The following RSRP1 variants were observed in gnomAD, a reference collection of about 807,000 sequenced individuals.
RSRP1 encodes arginine and serine rich protein 1, also known as arginine/serine-rich protein 1.
A neutral mutation model predicts 33.0 loss-of-function variants in RSRP1; 37 were observed. The observed-to-expected ratio is 1.12, with a 90% CI of 0.86 to 1.48. The LOEUF (loss-of-function observed/expected upper bound fraction) is 1.48. Ranked by LOEUF, RSRP1 falls within the 40% of genes most tolerant of loss-of-function variation. The pLI is 0.00. For synonymous variants in RSRP1, 167 were observed against 158.7 expected (o/e 1.05, Z -0.40); for missense variants, 402 against 385.3 (o/e 1.04, Z -0.36).
intron 1 of RSRP1, among the ~76,000 whole-genome samples, chr1:25,274,689 A>G (rs1640787282): frequency 7.5e-6 from 1 of 133,444 alleles, no homozygotes; most frequent in South Asian, 2.3e-4. Flanking sequence ...TGGGCTTAAC[A>G]TTGCATTGCC....
intron 1 of RSRP1, among the ~76,000 whole-genome samples, chr1:25,277,313 C>G (rs1641096546): frequency 7.7e-6 from 1 of 129,304 alleles, no homozygotes; most frequent in East Asian, 2.0e-4. Flanking sequence ...GATAGAATAG[C>G]CTAGATCCAT....
At chr1:25,268,771 A>C (rs1284435420) in intron 1 of RSRP1, among the ~76,000 whole-genome samples, 1 of 128,682 alleles carries the variant, frequency 7.8e-6, no homozygotes, top group African/African-American at 2.7e-5. Flanking sequence ...AACCTGGTGA[A>C]ATCCTGTCTC....
chr1:25,248,920 G>C (rs889841000), upstream of RSRP1, among the ~76,000 whole-genome samples: 8 of 152,138 alleles, frequency 5.3e-5, no homozygotes, highest in Non-Finnish European at 1.2e-4. Flanking sequence ...AGGCCGAAGC[G>C]GGAAGATCAC....
rs71652374 is a variant in RSRP1 at position 25,321,889 on chromosome 1, G to C, written c.-67+16089C>G. 3,026 of 1,262,328 alleles carry C rather than the reference G, an allele frequency of 2.4e-3. 691 individuals carry two copies. Among genetic ancestry groups the C allele is most frequent in the Non-Finnish European group, 3.3e-3 (2,843 of 874,310 alleles). 78.2% of individuals were successfully genotyped at this position (1,262,328 alleles called of 1,614,324 possible). ...AACATTAAATTATGCATTTAAACAG[G>C]TTTGCTCCTAAATCTTAAAATATGG... On this transcript the variant is annotated intron_variant, in intron 1 of 1. Coordinates refer to the RSRP1 transcript ENST00000561867.
chr1:25,290,849 G>C, intron 1 of RSRP1: 1 of 1,351,852 alleles, frequency 7.4e-7, no homozygotes. Context: ...GCTCCATTTG[G>C]TGGGGTTTCC....
intron 3 of RSRP1, 111 bp from the exon 4 acceptor site, chr1:25,243,744 C>T (rs920308410): frequency 1.4e-5 from 20 of 1,475,320 alleles, no homozygotes; most frequent in African/African-American, 2.8e-5. Context: ...ACACAAAAAT[C>T]AACTTGGATC....
chr1:25,246,732 A>G lies in RSRP1; in HGVS notation c.232T>C (p.Ser78Pro). ...GACCGGCTCCGCGAGTATGACCGCG[A>G]GTAGCGCCTGTACTTCCGCTGGTGG... is the stretch of plus-strand genomic sequence containing the variant. ...RRHQRKYRRY[S>P]RSYSRSRSRS... Residue 78 changes from serine (S) to proline (P), a missense_variant, in exon 2 of 5, where the codon TCG becomes CCG. Transcript: ENST00000243189. 6.2e-7 allele frequency: 1 copy of G among 1,608,070 alleles called. No homozygotes were observed. Among genetic ancestry groups the G allele is most frequent in the Non-Finnish European group, 8.5e-7 (1 of 1,175,674 alleles).
chr1:25,244,763 C>A lies in RSRP1; in HGVS notation c.672+387G>T, dbSNP rs115412344. 1,240 of 1,056,196 alleles carry A rather than the reference C, an allele frequency of 1.2e-3. 12 individuals are homozygous for A. In the African/African-American group the frequency reaches 0.018, roughly 16 times the overall value. 65.4% of individuals were successfully genotyped at this position (1,056,196 alleles called of 1,614,324 possible). On this transcript the variant is annotated intron_variant, in intron 3 of 4. Transcript: ENST00000243189. ...GCAATGGTGCCATCTTGGCTCACTG[C>A]AACCTTAGCATCCTAGGCTCAAAGA...
At position 25,246,563 on chromosome 1, in the gene RSRP1, G is replaced by C; in HGVS notation, c.401C>G (p.Ala134Gly). The C allele has an allele frequency of 4.3e-6, 7 of 1,614,206 alleles. No homozygotes were observed. The highest frequency in any genetic ancestry group is 5.9e-6 in the Non-Finnish European group (7 of 1,180,040). ...RSYCGRAYAI[A>G]RGQRYYGFGR... is the part of the protein sequence containing the mutation. ...AAAGCCGTAGTAGCGCTGTCCCCGC[G>C]CGATCGCGTACGCCCTTCCGCAGTA... Residue 134 changes from alanine to glycine, a missense_variant, in exon 2 of 5, where the codon GCG becomes GGG. Coordinates refer to ENST00000243189, the MANE Select transcript of RSRP1 (RefSeq NM_020317.5).
chr1:25,307,262 G>T lies in RSRP1; in HGVS notation c.-67+30716C>A, dbSNP rs577017442. ...CAGAGAGGGGTGGGCCTTGGCTGAG[G>T]TCTCACTGCGAGGTGGGAATGTGGG... is the stretch of plus-strand genomic sequence containing the variant. On this transcript the variant is annotated intron_variant, in intron 1 of 1. Coordinates refer to the RSRP1 transcript ENST00000561867. Among the ~76,000 whole-genome samples, 51 of 132,150 alleles carry T rather than the reference G, an allele frequency of 3.9e-4. 8 individuals are homozygous for T. Among genetic ancestry groups the T allele is most frequent in the African/African-American group, 1.3e-3 (51 of 38,444 alleles). The allele number at this position is 132,150 out of a possible 152,430, so 86.7% of individuals were successfully genotyped here. A position where few individuals can be genotyped will look rare whatever the true frequency, so the allele number is the denominator to read the frequency against.
chr1:25,285,630 T>C (rs1302668624), intron 1 of RSRP1, among the ~76,000 whole-genome samples: 1 of 135,160 alleles, frequency 7.4e-6, no homozygotes, highest in African/African-American at 2.6e-5. Context: ...TGGATATTGA[T>C]TAGGAAGGAA....
At chr1:25,268,385 G>A (rs1163336542) in intron 1 of RSRP1, among the ~76,000 whole-genome samples, 1 of 130,868 alleles carries the variant, frequency 7.6e-6, no homozygotes, top group Non-Finnish European at 1.8e-5. Flanking sequence ...GCGGTGTGGT[G>A]GCTCATGCCT....
upstream of RSRP1, among the ~76,000 whole-genome samples, chr1:25,249,734 G>A (rs544645397): frequency 6.6e-5 from 10 of 152,012 alleles, no homozygotes; most frequent in African/African-American, 1.2e-4. Context: ...AAACATACGC[G>A]GTCTACCTGA....
At chr1:25,305,990 G>A (rs1251417235) in intron 1 of RSRP1, among the ~76,000 whole-genome samples, 1 of 132,102 alleles carries the variant, frequency 7.6e-6, no homozygotes, top group Non-Finnish European at 1.8e-5. Context: ...GCTGGCTCAC[G>A]GCTGTGTGGG....
rs1206003436 is a variant in RSRP1, at chr1:25,319,360, A to G, written c.-67+18618T>C. On this transcript the variant is annotated intron_variant, in intron 1 of 1. Coordinates refer to the RSRP1 transcript ENST00000561867. Reference sequence around the variant, plus strand: ...AACAACTTGGGTGGCTCATACTTGTAATCCCAGCACCTTGGGAAGCTGAGG... The same window carrying G: ...AACAACTTGGGTGGCTCATACTTGTGATCCCAGCACCTTGGGAAGCTGAGG... Among the ~76,000 whole-genome samples the G allele has an allele frequency of 2.3e-5, 3 of 132,824 alleles. 1 individual carries two copies. The highest frequency in any genetic ancestry group is 5.4e-5 in the Non-Finnish European group (3 of 56,006). The allele number at this position is 132,824 out of a possible 152,430, so 87.1% of individuals were successfully genotyped here. A position where few individuals can be genotyped will look rare whatever the true frequency, so the allele number is the denominator to read the frequency against.
intron 1 of RSRP1, among the ~76,000 whole-genome samples, chr1:25,279,854 C>A (rs2124604878): frequency 7.7e-6 from 1 of 130,614 alleles, no homozygotes; most frequent in African/African-American, 2.7e-5. Flanking sequence ...AGCACATCCA[C>A]TTCTTATCAC....
chr1:25,260,676 A>T (rs575141976), intron 1 of RSRP1, among the ~76,000 whole-genome samples: 139 of 152,310 alleles, frequency 9.1e-4, no homozygotes, highest in African/African-American at 3.2e-3. Context: ...GGAGGCTGGA[A>T]GTTCAAGGTG....
At position 25,247,323 on chromosome 1, in the gene RSRP1, G is replaced by A. The variant is rs1379762205; in HGVS notation, c.-81C>T. The A allele has an allele frequency of 5.8e-5, 15 of 257,150 alleles. No individual in the cohort carries two copies. Among genetic ancestry groups the A allele is most frequent in the Non-Finnish European group, 1.0e-4 (14 of 135,592 alleles). 15.9% of individuals were successfully genotyped at this position (257,150 alleles called of 1,614,324 possible). On this transcript the variant is annotated 5_prime_UTR_variant, in exon 1 of 5. Transcript: ENST00000243189. Reference sequence around the variant, plus strand: ...AGAAAACTTACCGCACGCCGTCGACGCCTCCCTCACGACTGAGAGAAAGGC... The same window carrying A: ...AGAAAACTTACCGCACGCCGTCGACACCTCCCTCACGACTGAGAGAAAGGC...
Position 25,246,634 on chromosome 1 carries a change from C to T in RSRP1, c.330G>A (p.Arg110=). Reference sequence around the variant, plus strand: ...ACCTGCTACGGGACCGGGACCGGTACCGCGAAGGAGACCGGTAGTATCTCC... The same window carrying T: ...ACCTGCTACGGGACCGGGACCGGTATCGCGAAGGAGACCGGTAGTATCTCC... ...FTRRYYRSPS[R]YRSRSRSRSR... is the part of the protein sequence containing the mutation. The change falls in exon 2 of 5, where the codon CGG becomes CGA. Residue 110 remains arginine, a synonymous_variant. Coordinates refer to ENST00000243189, the MANE Select transcript of RSRP1 (RefSeq NM_020317.5). 3 of 1,614,074 alleles carry T rather than the reference C, an allele frequency of 1.9e-6. No homozygotes were observed. Among genetic ancestry groups the T allele is most frequent in the Non-Finnish European group, 2.5e-6 (3 of 1,180,024 alleles).
Sources: gnomAD v4.1 joint callset for allele counts (sites outside exome capture counted in the v4.1 genomes callset) on GRCh38, gnomAD v4.1.1 for gene constraint, MANE v1.5 for transcripts, NCBI Gene and HGNC (gene_info 2026-07-23, HGNC 2026-07-21) for gene names.